Variants in PCLO observed in about 807,000 individuals in gnomAD.
PCLO encodes piccolo presynaptic cytomatrix protein.
In PCLO, 82 loss-of-function variants were observed where a neutral mutation model predicts 427.5. The ratio of observed to expected loss-of-function variants is 0.19; its 90% confidence interval spans 0.16 to 0.23. PCLO has a LOEUF of 0.23. Among genes scored for constraint, PCLO ranks in the 10% least tolerant of loss-of-function variants. The pLI, the probability that PCLO is intolerant of heterozygous loss-of-function variation, is 1.00. For synonymous variants in PCLO, 2,357 were observed against 2,155.4 expected (o/e 1.09, Z -2.59); for missense variants, 6,239 against 6,115.9 (o/e 1.02, Z -0.67).
Position 82,916,429 on chromosome 7 carries a change from T to C in PCLO, c.11557A>G (p.Ile3853Val), listed in dbSNP as rs761867869. ...RPTRIESQHGIERPRTAPQTE... is the reference protein window; with the variant it reads ...RPTRIESQHGVERPRTAPQTE... ...TGGGGAGCAGTTCTTGGTCGCTCAA[T>C]GCCATGCTGACTTTCTATTCGGGTT... The change falls in exon 7 of 25, where the codon ATT becomes GTT. Residue 3853 changes from isoleucine to valine, a missense_variant. Physicochemically the swap from Ile to Val is conservative, Grantham distance 29. Coordinates refer to ENST00000333891, the MANE Select transcript of PCLO (RefSeq NM_033026.6). 1 of 1,613,734 alleles carries C rather than the reference T, an allele frequency of 6.2e-7. No individual in the cohort carries two copies. Among genetic ancestry groups the C allele is most frequent in the Non-Finnish European group, 8.5e-7 (1 of 1,179,754 alleles).
At position 83,135,627 on chromosome 7, in the gene PCLO, T is replaced by C. The variant is rs1254926571; in HGVS notation, c.1923A>G (p.Gln641=). The change falls in exon 3 of 25, where the codon CAA becomes CAG. Residue 641 remains glutamine (Q), a synonymous_variant. Transcript: ENST00000333891. ...GATCCCCGCCTAGAGCTCTTTTCAT[T>C]TGACAGTTCAAACAGAGCCACTCTT... The part of the protein sequence containing the change: ...EVKEWLCLNC[Q]MKRALGGDLA... The C allele has an allele frequency of 1.9e-6, 3 of 1,607,590 alleles. No homozygotes were observed. The highest frequency in any genetic ancestry group is 2.5e-6 in the Non-Finnish European group (3 of 1,176,644).
intron 2 of PCLO, among the ~76,000 whole-genome samples, chr7:83,147,651 TA>T (rs1428857204): frequency 6.6e-6 from 1 of 152,186 alleles, no homozygotes; most frequent in Non-Finnish European, 1.5e-5. Flanking sequence ...GCTGAAGATG[TA>T]AAAATGAAGA....
At position 83,162,463 on chromosome 7, in the gene PCLO, C is replaced by G; in HGVS notation, c.130G>C (p.Asp44His). 1 of 1,589,914 alleles carries G rather than the reference C, an allele frequency of 6.3e-7. No individual in the cohort carries two copies. The highest frequency in any genetic ancestry group is 8.6e-7 in the Non-Finnish European group (1 of 1,167,954). The change falls in exon 1 of 25, where the codon GAT becomes CAT. Residue 44 changes from aspartate (D) to histidine (H), a missense_variant. Physicochemically the swap from Asp to His is moderately conservative, Grantham distance 81. This residue lies in a region of PCLO where 4,677 missense variants were observed against 4,468.4 expected (regional missense o/e 1.05). Transcript: ENST00000333891. ...HTAIPAGMEA[D>H]LSQLSEEERR... The stretch of plus-strand genomic sequence containing the variant: ...TCCTCTTCGCTCAGCTGGCTCAAAT[C>G]CGCCTCCATGCCGGCCGGGATCGCG...
chr7:83,001,065 C>G lies in PCLO; in HGVS notation c.3301-34578G>C, dbSNP rs986512328. Among the ~76,000 whole-genome samples the G allele has an allele frequency of 2.0e-5, 3 of 151,938 alleles. No individual in the cohort carries two copies. The East Asian group carries it at 5.8e-4, about 29-fold the overall frequency. On this transcript the variant is annotated intron_variant, in intron 3 of 24. Coordinates refer to ENST00000333891, the MANE Select transcript of PCLO (RefSeq NM_033026.6). ...TTTTTGCTGCTAAAAATATCTGTAT[C>G]TTTTCAAAATAATAATGTATTTAGT...
chr7:83,024,405 A>G (rs1216996537), intron 3 of PCLO, among the ~76,000 whole-genome samples: 1 of 152,172 alleles, frequency 6.6e-6, no homozygotes, highest in East Asian at 1.9e-4. Flanking sequence ...GATGAGCTTA[A>G]AAAACGGCGC....
chr7:82,801,599 G>A lies in PCLO; in HGVS notation c.14934-8C>T. 1 of 1,530,316 alleles carries A rather than the reference G, an allele frequency of 6.5e-7. No individual in the cohort carries two copies. Among genetic ancestry groups the A allele is most frequent in the Non-Finnish European group, 9.0e-7 (1 of 1,106,016 alleles). 94.8% of individuals were successfully genotyped at this position (1,530,316 alleles called of 1,614,324 possible). A position where few individuals can be genotyped will look rare whatever the true frequency, so the allele number is the denominator to read the frequency against. ...TTCTGTCCCATCTTCCCTCTGTTTAGAAATAAAATAAAATGATATATTCAG... is the reference window on the plus strand; with the variant it reads ...TTCTGTCCCATCTTCCCTCTGTTTAAAAATAAAATAAAATGATATATTCAG... On this transcript the variant is annotated splice_region_variant and splice_polypyrimidine_tract_variant and intron_variant, in intron 21 of 24. Coordinates refer to ENST00000333891, the MANE Select transcript of PCLO (RefSeq NM_033026.6).
At chr7:82,903,718 A>G (rs1336186712) in intron 8 of PCLO, among the ~76,000 whole-genome samples, 3 of 151,972 alleles carry the variant, frequency 2.0e-5, no homozygotes, top group Non-Finnish European at 4.4e-5. Flanking sequence ...TTTGACTTAA[A>G]TTACAACCAA....
At position 82,757,615 on chromosome 7, in the gene PCLO, A is replaced by G. The variant is rs978926592; in HGVS notation, c.*960T>C. 6.6e-6 allele frequency: 1 copy of G among 151,960 alleles called. No homozygotes were observed. The highest frequency in any genetic ancestry group is 6.6e-5 in the Admixed American group (1 of 15,218). The allele number at this position is 151,960 out of a possible 1,614,324, so 9.4% of individuals were successfully genotyped here. A position where few individuals can be genotyped will look rare whatever the true frequency, so the allele number is the denominator to read the frequency against. Reference sequence around the variant, plus strand: ...TTCTTTCTCTGTCAATGCATCGCTCAACAGAAAGGAAATGTGCAGGATAAT... The same window carrying G: ...TTCTTTCTCTGTCAATGCATCGCTCGACAGAAAGGAAATGTGCAGGATAAT... On this transcript the variant is annotated 3_prime_UTR_variant, in exon 25 of 25. Transcript: ENST00000333891.
In PCLO at chr7:82,955,510, G is replaced by A; in HGVS notation, c.5443C>T (p.Arg1815Ter). The A allele has an allele frequency of 6.2e-7, 1 of 1,613,802 alleles. No individual in the cohort carries two copies. The highest frequency in any genetic ancestry group is 8.5e-7 in the Non-Finnish European group (1 of 1,179,840). ...GGCCTTTCCCTTCTTCTCTGAGCTC[G>A]AAGTTCATCTTTGTCTTTCTTTGAT... is the stretch of plus-strand genomic sequence containing the variant. ...KKSKKDKDEL[R>*]AQRRRERPKT... is the part of the protein sequence containing the mutation. The change falls in exon 5 of 25, where the codon CGA becomes TGA. Residue 1815 changes from arginine to a stop codon, truncating the protein, a stop_gained. Coordinates refer to ENST00000333891, the MANE Select transcript of PCLO (RefSeq NM_033026.6). LOFTEE classifies it high-confidence loss of function.
At chr7:82,867,980 AAG>A (rs1793138315) in intron 10 of PCLO, 1 of 362,942 alleles carries the variant, frequency 2.8e-6, no homozygotes, top group Admixed American at 3.8e-5. Flanking sequence ...TTCTTCACAG[AAG>A]AGAGTTTCCT....
Position 83,100,834 on chromosome 7 carries a change from T to C in PCLO, c.3300+33416A>G, listed in dbSNP as rs79235358. Among the ~76,000 whole-genome samples the C allele has an allele frequency of 5.4e-3, 825 of 152,262 alleles. 16 individuals are homozygous for C. The East Asian group carries it at 0.089, about 16-fold the overall frequency. ...AAATTTAAAAAACTGTTATTTTATATATGAAAAATTTATATATTCTGGATA... is the reference window on the plus strand; with the variant it reads ...AAATTTAAAAAACTGTTATTTTATACATGAAAAATTTATATATTCTGGATA... On this transcript the variant is annotated intron_variant, in intron 3 of 24. Transcript: ENST00000333891.
At chr7:82,763,364 T>C (rs996396106) in intron 22 of PCLO, among the ~76,000 whole-genome samples, 3 of 152,082 alleles carry the variant, frequency 2.0e-5, no homozygotes, top group Non-Finnish European at 4.4e-5. Context: ...TTGAAAATAA[T>C]TTTGACTTTA....
At position 82,914,697 on chromosome 7, in the gene PCLO, G is replaced by A; in HGVS notation, c.13289C>T (p.Ser4430Leu). The A allele has an allele frequency of 6.2e-7, 1 of 1,613,120 alleles. No individual in the cohort carries two copies. Among genetic ancestry groups the A allele is most frequent in the Non-Finnish European group, 8.5e-7 (1 of 1,179,526 alleles). Residue 4430 changes from serine (S) to leucine (L), a missense_variant, in exon 7 of 25, where the codon TCA (serine) becomes TTA (leucine). By Grantham distance (145) the Ser-to-Leu change is moderately radical. Transcript: ENST00000333891. The part of the protein sequence containing the change: ...FIMDDFQHAM[S>L]DSEAYHLRRE... ...GAGGCCCAATTTACCTTCACTGTCT[G>A]ACATGGCATGTTGGAAGTCATCCAT...
chr7:83,118,372 G>A (rs555875128), intron 3 of PCLO, among the ~76,000 whole-genome samples: 17 of 152,012 alleles, frequency 1.1e-4, no homozygotes, highest in East Asian at 3.9e-4. Context: ...AAGCATCTTC[G>A]TAAGAGCCAA....
At chr7:83,061,635 G>A (rs1219384047) in intron 3 of PCLO, among the ~76,000 whole-genome samples, 2 of 152,038 alleles carry the variant, frequency 1.3e-5, no homozygotes, top group African/African-American at 4.8e-5. Context: ...TACCATATAT[G>A]TAACTTTCAA....
chr7:82,788,308 A>G (rs1449615297), intron 22 of PCLO, among the ~76,000 whole-genome samples: 1 of 148,556 alleles, frequency 6.7e-6, no homozygotes, highest in African/African-American at 2.4e-5. Context: ...TATGATTTAA[A>G]CTTAATAATC....
intron 9 of PCLO, among the ~76,000 whole-genome samples, chr7:82,894,850 T>A (rs1167433272): frequency 6.6e-6 from 1 of 151,934 alleles, no homozygotes; most frequent in Non-Finnish European, 1.5e-5. Context: ...ATAAATAGAT[T>A]TAATAAGTTC....
intron 16 of PCLO, among the ~76,000 whole-genome samples, chr7:82,833,779 T>C (rs1487302845): frequency 1.3e-5 from 2 of 152,168 alleles, no homozygotes; most frequent in Non-Finnish European, 2.9e-5. Flanking sequence ...CTACTATTGA[T>C]TGAAAGCTTA....
intron 13 of PCLO, 52 bp from the exon 14 acceptor site, chr7:82,841,561 T>C: frequency 8.8e-7 from 1 of 1,131,194 alleles, no homozygotes; most frequent in Non-Finnish European, 1.3e-6. Context: ...TTTCACATAA[T>C]TTATCATTTC....
Sources: gnomAD v4.1 joint callset for allele counts (sites outside exome capture counted in the v4.1 genomes callset) on GRCh38, gnomAD v4.1.1 for gene constraint, gnomAD v4.1.1 regional missense constraint, MANE v1.5 for transcripts, NCBI Gene and HGNC (gene_info 2026-07-23, HGNC 2026-07-21) for gene names.